MYH15: variants seen among roughly 807,000 people sequenced by gnomAD.
MYH15 encodes the protein myosin-15.
MYH15 carries 227 observed loss-of-function variants against 240.5 expected under a neutral mutation model. The ratio of observed to expected loss-of-function variants is 0.94; its 90% CI spans 0.85 to 1.05. The LOEUF is 1.05. Among genes scored for constraint, MYH15 ranks in the 50% least tolerant of loss-of-function variants. MYH15 has a pLI of 0.00. For synonymous variants in MYH15, 785 were observed against 796.7 expected (o/e 0.99, Z 0.25); for missense variants, 2,217 against 2,247.5 (o/e 0.99, Z 0.27).
chr3:108,392,256 A>G (rs2082427861), intron 36 of MYH15, among the ~76,000 whole-genome samples: 1 of 152,244 alleles, frequency 6.6e-6, no homozygotes, highest in Admixed American at 6.5e-5. Flanking sequence ...TGAATAAAGC[A>G]CTGGGATGAC....
chr3:108,548,829 C>T, the MYH15 span, among the ~76,000 whole-genome samples: 2 of 152,072 alleles, frequency 1.3e-5, no homozygotes, highest in African/African-American at 4.8e-5. Context: ...ATTTAACTGA[C>T]AGTGCTAACT....
At chr3:108,409,586 T>C (rs1440606798) in intron 31 of MYH15, among the ~76,000 whole-genome samples, 5 of 152,168 alleles carry the variant, frequency 3.3e-5, no homozygotes, top group Admixed American at 3.3e-4. Context: ...ATAGACTATG[T>C]AGGTCAACAG....
At chr3:108,514,000 T>C (rs181341043), upstream of MYH15, among the ~76,000 whole-genome samples, 13 of 152,334 alleles carry the variant, frequency 8.5e-5, no homozygotes, top group Non-Finnish European at 1.6e-4. Flanking sequence ...TCCAGGTGTA[T>C]CTTAGTTACC....
At chr3:108,465,231 C>T (rs1384474793) in intron 14 of MYH15, among the ~76,000 whole-genome samples, 2 of 152,172 alleles carry the variant, frequency 1.3e-5, no homozygotes, top group African/African-American at 4.8e-5. Context: ...AGACACCTCT[C>T]CTGAATGAGA....
intron 35 of MYH15, among the ~76,000 whole-genome samples, chr3:108,395,907 A>G (rs1476660639): frequency 6.6e-6 from 1 of 152,014 alleles, no homozygotes; most frequent in African/African-American, 2.4e-5. Context: ...GAATAATATC[A>G]CCTAGACCAG....
intron 30 of MYH15, among the ~76,000 whole-genome samples, chr3:108,412,272 C>T (rs889772550): frequency 3.9e-5 from 6 of 152,240 alleles, no homozygotes; most frequent in African/African-American, 7.2e-5. Context: ...CTCATGACAG[C>T]GAGTAAGTTC....
At chr3:108,521,146 T>A (rs1027739379) in intron 1 of MYH15, among the ~76,000 whole-genome samples, 17 of 152,226 alleles carry the variant, frequency 1.1e-4, no homozygotes, top group Non-Finnish European at 2.2e-4. Context: ...GTGTAATTTT[T>A]AAAAGTGTCT....
chr3:108,524,194 C>A (rs900032838), intron 1 of MYH15, among the ~76,000 whole-genome samples: 3 of 151,994 alleles, frequency 2.0e-5, no homozygotes, highest in Admixed American at 6.6e-5. Context: ...CTTTTTCCTG[C>A]ATTACTGACA....
At chr3:108,447,252 C>T (rs527335234) in intron 21 of MYH15, among the ~76,000 whole-genome samples, 31 of 152,192 alleles carry the variant, frequency 2.0e-4, no homozygotes, top group African/African-American at 7.5e-4. Flanking sequence ...TACCAATATA[C>T]ACATTATGGG....
At chr3:108,401,361 T>C (rs1334262592) in intron 33 of MYH15, among the ~76,000 whole-genome samples, 1 of 141,324 alleles carries the variant, frequency 7.1e-6, no homozygotes, top group East Asian at 1.9e-4. Flanking sequence ...CAGATGAGGA[T>C]GCAGTGAAAA....
At chr3:108,518,072 A>G (rs942745282) in intron 1 of MYH15, among the ~76,000 whole-genome samples, 9 of 152,206 alleles carry the variant, frequency 5.9e-5, no homozygotes, top group African/African-American at 1.9e-4. Context: ...AACAGTGCCA[A>G]TATACTATTT....
intron 29 of MYH15, among the ~76,000 whole-genome samples, chr3:108,415,551 G>T (rs768011526): frequency 6.6e-6 from 1 of 152,126 alleles, no homozygotes; most frequent in Non-Finnish European, 1.5e-5. Context: ...CTGCCCTAAA[G>T]AGCCCAAAAG....
At chr3:108,475,829 T>C (rs1256403524) in intron 12 of MYH15, among the ~76,000 whole-genome samples, 1 of 152,218 alleles carries the variant, frequency 6.6e-6, no homozygotes, top group Non-Finnish European at 1.5e-5. Context: ...GAATATTTAC[T>C]GCATTAAGGC....
intron 1 of MYH15, among the ~76,000 whole-genome samples, chr3:108,516,476 A>C (rs942876819): frequency 6.6e-6 from 1 of 152,236 alleles, no homozygotes; most frequent in African/African-American, 2.4e-5. Context: ...AAGGCAGTAA[A>C]TGAAACACAT....
chr3:108,505,880 A>G, intron 1 of MYH15, 51 bp from the exon 2 acceptor site: 3 of 1,215,346 alleles, frequency 2.5e-6, no homozygotes, highest in African/African-American at 1.5e-5. Flanking sequence ...TACTTACAGA[A>G]ATACATACTG....
chr3:108,467,351 T>C (rs1339242783), intron 14 of MYH15, among the ~76,000 whole-genome samples: 1 of 151,894 alleles, frequency 6.6e-6, no homozygotes, highest in Non-Finnish European at 1.5e-5. Context: ...TCTGAAAAGC[T>C]TCTTTTGGGA....
chr3:108,381,427 G>T lies in MYH15; in HGVS notation c.*118C>A. 2 of 1,132,840 alleles carry T rather than the reference G, an allele frequency of 1.8e-6. No individual in the cohort carries two copies. Among genetic ancestry groups the T allele is most frequent in the South Asian group, 1.2e-5 (1 of 80,176 alleles). 70.2% of individuals were successfully genotyped at this position (1,132,840 alleles called of 1,614,324 possible). A position where few individuals can be genotyped will look rare whatever the true frequency, so the allele number is the denominator to read the frequency against. On this transcript the variant is annotated 3_prime_UTR_variant, in exon 41 of 41. Transcript: ENST00000693548. ...TTTTTCTAATTGCCTTGTTTATATG[G>T]TGTGAAAAGCAATTTAAACATGTTT...
chr3:108,538,818 A>G, the MYH15 span, among the ~76,000 whole-genome samples: 1 of 152,186 alleles, frequency 6.6e-6, no homozygotes, highest in African/African-American at 2.4e-5. Context: ...AAGAAAAGAC[A>G]TTTCTTACAG....
chr3:108,481,691 A>C (rs774939738), intron 11 of MYH15, among the ~76,000 whole-genome samples: 1 of 152,188 alleles, frequency 6.6e-6, no homozygotes, highest in Non-Finnish European at 1.5e-5. Flanking sequence ...ATGTGAGTGG[A>C]GGGAAATGAG....
Sources: allele counts gnomAD v4.1 joint callset (sites outside exome capture counted in the v4.1 genomes callset), GRCh38; gene constraint gnomAD v4.1.1; transcripts MANE v1.5; gene names NCBI Gene and HGNC (gene_info 2026-07-23, HGNC 2026-07-21).